Variants in MICAL2 observed in about 807,000 individuals in gnomAD.
MICAL2 encodes microtubule associated monooxygenase, calponin and LIM domain containing 2, also known as [F-actin]-monooxygenase MICAL2.
A neutral mutation model predicts 127.3 loss-of-function variants in MICAL2; 77 were observed. The ratio of observed to expected loss-of-function variants is 0.60; its 90% CI spans 0.50 to 0.73. The LOEUF (loss-of-function observed/expected upper bound fraction) is 0.73. Among genes scored for constraint, MICAL2 ranks in the 30% least tolerant of loss-of-function variants. MICAL2 has a pLI of 0.00. For missense variants in MICAL2, 1,351 were observed against 1,434.4 expected (o/e 0.94, Z 0.94); for synonymous variants, 570 against 551.1 (o/e 1.03, Z -0.48).
intron 32 of MICAL2, among the ~76,000 whole-genome samples, chr11:12,343,599 C>T (rs957154102): frequency 2.6e-5 from 4 of 151,964 alleles, no homozygotes; most frequent in African/African-American, 9.7e-5. Context: ...CATGTAATCC[C>T]GGATAAAAGT....
chr11:12,167,402 C>T (rs1422799925), intron 3 of MICAL2, among the ~76,000 whole-genome samples: 2 of 152,168 alleles, frequency 1.3e-5, no homozygotes, highest in African/African-American at 2.4e-5. Flanking sequence ...GAGGGCCAGA[C>T]GGCCCTATGG....
chr11:12,203,114 T>C (rs1383453796), intron 3 of MICAL2, among the ~76,000 whole-genome samples: 2 of 152,254 alleles, frequency 1.3e-5, no homozygotes. Context: ...TTTTCATGGC[T>C]GAATAATATT....
At chr11:12,295,306 AT>A (rs1863972198), downstream of MICAL2, among the ~76,000 whole-genome samples, 2 of 151,794 alleles carry the variant, frequency 1.3e-5, 1 homozygote, top group South Asian at 4.2e-4. Context: ...CGCCCAGCTA[AT>A]TTTTGTATTT....
At chr11:12,247,710 C>A (rs997619612) in intron 21 of MICAL2, among the ~76,000 whole-genome samples, 2 of 152,212 alleles carry the variant, frequency 1.3e-5, no homozygotes, top group African/African-American at 4.8e-5. Context: ...TTTGCACATG[C>A]AGAATTTGGC....
intron 29 of MICAL2, among the ~76,000 whole-genome samples, chr11:12,314,153 G>T (rs1017435466): frequency 6.6e-6 from 1 of 151,438 alleles, no homozygotes; most frequent in African/African-American, 2.4e-5. Context: ...TGAATATTTA[G>T]TCTACTTACA....
At chr11:12,349,996 G>A in intron 33 of MICAL2, 1 of 1,427,682 alleles carries the variant, frequency 7.0e-7, no homozygotes. Context: ...AAGGGGGGTG[G>A]CTTACCCTCC....
chr11:12,204,270 A>G lies in MICAL2; in HGVS notation c.285A>G (p.Gly95=), dbSNP rs1854391419. The change falls in exon 4 of 28, where the codon GGA becomes GGG. Residue 95 remains glycine, a synonymous_variant. Coordinates refer to ENST00000683283, the MANE Select transcript of MICAL2 (RefSeq NM_001282663.2). The stretch of plus-strand genomic sequence containing the variant: ...TGCAGTGTCTCATAGTTGGGGGAGG[A>G]CCCTGTGGCTTGCGCACTGCCATTG... ...TNTKCLIVGG[G]PCGLRTAIEL... The G allele has an allele frequency of 6.2e-7, 1 of 1,613,890 alleles. No homozygotes were observed. The highest frequency in any genetic ancestry group is 1.3e-5 in the African/African-American group (1 of 74,842).
At chr11:12,257,212 C>A (rs1862449880) in intron 24 of MICAL2, 2 of 452,906 alleles carry the variant, frequency 4.4e-6, no homozygotes, top group East Asian at 3.5e-5. Context: ...CTGGTGGGCA[C>A]CTGTGTGCCC....
At chr11:12,191,394 C>T (rs1241287549) in intron 3 of MICAL2, among the ~76,000 whole-genome samples, 1 of 151,448 alleles carries the variant, frequency 6.6e-6, no homozygotes, top group Admixed American at 6.6e-5. Flanking sequence ...GTTGCTTGAA[C>T]CTGGAAGGCG....
intron 26 of MICAL2, chr11:12,260,924 T>C (rs1863031036): frequency 1.0e-6 from 1 of 985,372 alleles, no homozygotes; most frequent in African/African-American, 1.7e-5. Context: ...TTCCCACTAA[T>C]GGGCACTGCA....
In MICAL2 at chr11:12,209,375, G is replaced by A. The variant is rs112613815; in HGVS notation, c.590-122G>A. 2,162 of 779,586 alleles carry A rather than the reference G, an allele frequency of 2.8e-3. 32 individuals carry two copies. The African/African-American group carries it at 0.029, about 10-fold the overall frequency. 48.3% of individuals were successfully genotyped at this position (779,586 alleles called of 1,614,324 possible). The stretch of plus-strand genomic sequence containing the variant: ...GACTGCTCTAGCCTTTCCCCTGGAG[G>A]CTCTCTCTGTGATACACAGACCTGG... On this transcript the variant is annotated intron_variant, in intron 5 of 27. Transcript: ENST00000683283.
At chr11:12,345,131 A>AAAAAAAAAAAAAG (rs1427548449) in intron 32 of MICAL2, among the ~76,000 whole-genome samples, 5 of 151,020 alleles carry the variant, frequency 3.3e-5, no homozygotes, top group African/African-American at 9.9e-5. Flanking sequence ...AAAAAAAGAA[A>AAAAAAAAAAAAAG]AAAGAAAGAA....
At chr11:12,349,990 G>A in intron 33 of MICAL2, 6 of 1,497,382 alleles carry the variant, frequency 4.0e-6, no homozygotes, top group South Asian at 1.1e-5. Flanking sequence ...GGGGCAAAGG[G>A]GGGTGGCTTA....
intron 3 of MICAL2, among the ~76,000 whole-genome samples, chr11:12,168,016 A>G (rs74782464): frequency 0.023 from 3,511 of 152,176 alleles, 63 homozygotes; most frequent in Non-Finnish European, 0.035. Context: ...TTATGAAAAA[A>G]CTAGGCCAGG....
downstream of MICAL2, chr11:12,292,003 G>T: frequency 9.6e-7 from 1 of 1,040,038 alleles, no homozygotes; most frequent in Non-Finnish European, 1.4e-6. Flanking sequence ...CACGCCTTGG[G>T]CACCAGGAAC....
chr11:12,305,478 C>G (rs1187335071), intron 29 of MICAL2, among the ~76,000 whole-genome samples: 1 of 146,764 alleles, frequency 6.8e-6, no homozygotes, highest in East Asian at 2.0e-4. Context: ...ATAGCCGAAC[C>G]ATATCATTGT....
rs145213482 is a variant in MICAL2 at position 12,245,209 on chromosome 11, G to A, written c.2784+1097G>A. On this transcript the variant is annotated intron_variant, in intron 21 of 27. Coordinates refer to ENST00000683283, the MANE Select transcript of MICAL2 (RefSeq NM_001282663.2). ...GAGCTGTTGCTCATGGAGTAGGTTTGGAGTCTTCCCCCACTCCACCCACCA... is the reference window on the plus strand; with the variant it reads ...GAGCTGTTGCTCATGGAGTAGGTTTAGAGTCTTCCCCCACTCCACCCACCA... 2.4e-4 allele frequency among the ~76,000 whole-genome samples: 36 copies of A among 152,256 alleles called. 1 individual carries two copies. In the East Asian group the frequency reaches 6.6e-3, roughly 28 times the overall value.
intron 15 of MICAL2, among the ~76,000 whole-genome samples, chr11:12,232,257 A>C (rs1270067846): frequency 6.6e-6 from 1 of 152,232 alleles, no homozygotes; most frequent in Non-Finnish European, 1.5e-5. Context: ...TGCAGCATAC[A>C]AAACACTTTC....
chr11:12,237,284 A>T (rs922599578), intron 16 of MICAL2, among the ~76,000 whole-genome samples: 4 of 152,184 alleles, frequency 2.6e-5, no homozygotes, highest in Non-Finnish European at 5.9e-5. Context: ...TGGGTTGAAC[A>T]TTTTCCTAGA....
Sources: allele counts gnomAD v4.1 joint callset (sites outside exome capture counted in the v4.1 genomes callset), GRCh38; gene constraint gnomAD v4.1.1; transcripts MANE v1.5; gene names NCBI Gene and HGNC (gene_info 2026-07-23, HGNC 2026-07-21).